Variants in COA1 observed in about 807,000 individuals in gnomAD.
COA1 encodes the protein cytochrome c oxidase assembly factor 1.
Under a neutral mutation model 16.0 loss-of-function variants are expected in COA1, and 13 were observed. The ratio of observed to expected loss-of-function variants is 0.81; its 90% CI spans 0.53 to 1.29. The LOEUF is 1.29. COA1 is among the 50% of genes most tolerant of loss of function. The pLI is 0.00. For missense variants in COA1, 179 were observed against 177.0 expected (o/e 1.01, Z -0.06); for synonymous variants, 65 against 65.7 (o/e 0.99, Z 0.05).
intron 6 of COA1, among the ~76,000 whole-genome samples, chr7:43,611,073 C>T (rs1434398115): frequency 2.0e-5 from 3 of 152,110 alleles, no homozygotes; most frequent in East Asian, 1.9e-4. Context: ...GCCGAGATTG[C>T]GCCACTGCAC....
intron 6 of COA1, chr7:43,622,291 A>G (rs1425771493): frequency 2.0e-5 from 3 of 152,092 alleles, no homozygotes; most frequent in Non-Finnish European, 2.9e-5. Context: ...ACCATTTCAG[A>G]AATCAAAATT....
intron 1 of COA1, among the ~76,000 whole-genome samples, chr7:43,709,434 T>TTGTGTGTGTGTGTGTGTGTGTG (rs59823123): frequency 6.9e-6 from 1 of 144,894 alleles, no homozygotes; most frequent in Non-Finnish European, 1.5e-5. Flanking sequence ...CTTTGTTTTA[T>TTGTGTGTGTGTGTGTGTGTGTG]TGTGTGTGTG....
intron 1 of COA1, among the ~76,000 whole-genome samples, chr7:43,654,859 C>T (rs1015319127): frequency 6.6e-6 from 1 of 152,164 alleles, no homozygotes; most frequent in African/African-American, 2.4e-5. Flanking sequence ...CAAAGGATGA[C>T]ATATTGGAGT....
chr7:43,615,477 C>A (rs960769226), intron 6 of COA1, among the ~76,000 whole-genome samples: 6 of 149,002 alleles, frequency 4.0e-5, no homozygotes, highest in African/African-American at 1.5e-4. Context: ...GCGCCCAGCC[C>A]TTTTGTTGTA....
rs73315813 is a variant in COA1, at chr7:43,711,226, C to A, written c.-39+18203G>T. Reference sequence around the variant, plus strand: ...TAGCATACACCTGGGTGTAACTAATCAGAGACCAACAATTTCCATATATAC... The same window carrying A: ...TAGCATACACCTGGGTGTAACTAATAAGAGACCAACAATTTCCATATATAC... On this transcript the variant is annotated intron_variant, in intron 1 of 5. Coordinates refer to ENST00000223336, the MANE Select transcript of COA1 (RefSeq NM_018224.4). Among the ~76,000 whole-genome samples the A allele has an allele frequency of 2.3e-3, 356 of 152,078 alleles. 2 individuals carry two copies. The highest frequency in any genetic ancestry group is 7.7e-3 in the African/African-American group (319 of 41,480).
At chr7:43,637,109 A>C (rs959192459), downstream of COA1, among the ~76,000 whole-genome samples, 1 of 152,172 alleles carries the variant, frequency 6.6e-6, no homozygotes, top group South Asian at 2.1e-4. Flanking sequence ...TCTGCTTATC[A>C]AAATCTTGGA....
rs187939803 is a variant in COA1, at chr7:43,608,598, T to A, written c.*1031A>T. On this transcript the variant is annotated 3_prime_UTR_variant and NMD_transcript_variant, in exon 7 of 7. Coordinates refer to the COA1 transcript ENST00000415076. ...ATGCACACATGTGTACATGGAAAGA[T>A]ACAAAATAATACAATGCCAAAGAAA... is the stretch of plus-strand genomic sequence containing the variant. 12 of 458,616 alleles carry A rather than the reference T, an allele frequency of 2.6e-5. No individual in the cohort carries two copies. In the East Asian group the frequency reaches 4.0e-4, roughly 15 times the overall value. 28.4% of individuals were successfully genotyped at this position (458,616 alleles called of 1,614,324 possible).
In COA1 at chr7:43,624,666, G is replaced by A. The variant is rs773990561; in HGVS notation, c.*133+14783C>T. On this transcript the variant is annotated intron_variant and NMD_transcript_variant, in intron 6 of 6. Coordinates refer to the COA1 transcript ENST00000415076. Reference sequence around the variant, plus strand: ...TGTGCCTGAAATTAATTCGGATACCGACAAATCAGAAACCAAGGAATCCAT... The same window carrying A: ...TGTGCCTGAAATTAATTCGGATACCAACAAATCAGAAACCAAGGAATCCAT... 22 of 1,613,916 alleles carry A rather than the reference G, an allele frequency of 1.4e-5. No homozygotes were observed. In the South Asian group the frequency reaches 1.5e-4, roughly 11 times the overall value.
chr7:43,721,011 G>T (rs1033462431), intron 1 of COA1, among the ~76,000 whole-genome samples: 10 of 152,104 alleles, frequency 6.6e-5, no homozygotes. Context: ...TGTTATAAAG[G>T]GATTCCTACA....
intron 4 of COA1, among the ~76,000 whole-genome samples, chr7:43,643,818 C>T (rs1044706642): frequency 6.6e-6 from 1 of 152,148 alleles, no homozygotes; most frequent in Admixed American, 6.5e-5. Context: ...CTTTTAAAAC[C>T]GAATATTTTA....
At chr7:43,668,743 A>G (rs1230689463) in intron 1 of COA1, among the ~76,000 whole-genome samples, 2 of 152,246 alleles carry the variant, frequency 1.3e-5, no homozygotes, top group Admixed American at 6.5e-5. Context: ...GAAAGTGAGT[A>G]GGGTGCCCAT....
At chr7:43,638,900 C>CA (rs1242291783), downstream of COA1, 5 of 152,218 alleles carry the variant, frequency 3.3e-5, no homozygotes, top group African/African-American at 1.2e-4. Flanking sequence ...TTCAAACTAA[C>CA]TTTCCTAAGT....
At position 43,673,397 on chromosome 7, in the gene COA1, C is replaced by A. The variant is rs190760233; in HGVS notation, c.-38-24745G>T. On this transcript the variant is annotated intron_variant, in intron 1 of 5. Transcript: ENST00000223336. Reference sequence around the variant, plus strand: ...GCCAAGAAGCATATGAAAAAAAGTTCCACATCACTAATCATGAGATAAATG... The same window carrying A: ...GCCAAGAAGCATATGAAAAAAAGTTACACATCACTAATCATGAGATAAATG... Among the ~76,000 whole-genome samples the A allele has an allele frequency of 3.6e-3, 544 of 152,270 alleles. 1 individual carries two copies. Among genetic ancestry groups the A allele is most frequent in the Middle Eastern group, 0.017 (5 of 294 alleles).
intron 1 of COA1, among the ~76,000 whole-genome samples, chr7:43,655,298 G>C (rs2091530904): frequency 6.6e-6 from 1 of 151,956 alleles, no homozygotes; most frequent in African/African-American, 2.4e-5. Context: ...ATATTAGCCG[G>C]GCATAGTGGC....
At chr7:43,662,874 A>C (rs1277497149) in intron 1 of COA1, among the ~76,000 whole-genome samples, 1 of 152,248 alleles carries the variant, frequency 6.6e-6, no homozygotes, top group Non-Finnish European at 1.5e-5. Context: ...CAAGGTCTCA[A>C]AACTCAGGCC....
rs528277458 is a variant in COA1, at chr7:43,650,682, A to AT, written c.-38-2031dup. 7.6e-4 allele frequency: 115 copies of AT among 152,262 alleles called. 1 individual carries two copies. The highest frequency in any genetic ancestry group is 2.6e-3 in the African/African-American group (109 of 41,532). 9.4% of individuals were successfully genotyped at this position (152,262 alleles called of 1,614,324 possible). ...AGAAAGCCCTCGCCAGGACTCAGAG[A>AT]TTCTCTCGAGTGACTCGTGTGGCAA... is the stretch of plus-strand genomic sequence containing the variant. On this transcript the variant is annotated intron_variant, in intron 1 of 5. Transcript: ENST00000223336.
chr7:43,636,928 T>G (rs2085973450), downstream of COA1, among the ~76,000 whole-genome samples: 1 of 152,240 alleles, frequency 6.6e-6, no homozygotes, highest in South Asian at 2.1e-4. Flanking sequence ...ACAGTGGCAT[T>G]CACACACTGT....
At chr7:43,676,213 T>C (rs2093510614) in intron 1 of COA1, among the ~76,000 whole-genome samples, 2 of 152,116 alleles carry the variant, frequency 1.3e-5, no homozygotes, top group Admixed American at 6.5e-5. Flanking sequence ...TAATTAAACA[T>C]GATTAAATAG....
At chr7:43,680,752 T>C (rs561202324) in intron 1 of COA1, among the ~76,000 whole-genome samples, 4 of 152,294 alleles carry the variant, frequency 2.6e-5, no homozygotes, top group African/African-American at 9.6e-5. Context: ...GAGAATCACT[T>C]GAGCCCAGGA....
Sources: gnomAD v4.1 joint callset for allele counts (sites outside exome capture counted in the v4.1 genomes callset) on GRCh38, gnomAD v4.1.1 for gene constraint, MANE v1.5 for transcripts, NCBI Gene and HGNC (gene_info 2026-07-23, HGNC 2026-07-21) for gene names.